The following CSMD3 variants were observed in gnomAD, a reference collection of about 807,000 sequenced individuals.
The protein encoded by CSMD3 is CUB and sushi domain-containing protein 3.
In CSMD3, 177 loss-of-function variants were observed where a neutral mutation model predicts 435.2. The ratio of observed to expected loss-of-function variants is 0.41; its 90% CI spans 0.36 to 0.46. The LOEUF is 0.46. CSMD3 is among the 20% of genes least tolerant of loss of function. CSMD3 has a pLI of 0.34. For missense variants in CSMD3, 4,265 were observed against 4,504.6 expected (o/e 0.95, Z 1.52); for synonymous variants, 1,656 against 1,520.5 (o/e 1.09, Z -2.07).
At chr8:112,978,928 T>G (rs1340332160) in intron 6 of CSMD3, among the ~76,000 whole-genome samples, 7 of 151,874 alleles carry the variant, frequency 4.6e-5, no homozygotes, top group African/African-American at 1.7e-4. Context: ...ACTAAAATAA[T>G]ATTAGCAATA....
At chr8:113,379,767 C>A (rs915812488) in intron 1 of CSMD3, among the ~76,000 whole-genome samples, 2 of 152,084 alleles carry the variant, frequency 1.3e-5, no homozygotes, top group Non-Finnish European at 2.9e-5. Flanking sequence ...TATTTTATAG[C>A]TACAAAACAG....
chr8:113,199,467 G>C (rs2092694873), intron 3 of CSMD3, among the ~76,000 whole-genome samples: 1 of 151,702 alleles, frequency 6.6e-6, no homozygotes, highest in African/African-American at 2.4e-5. Context: ...TATACAATAT[G>C]ATCTGGGTGG....
intron 6 of CSMD3, among the ~76,000 whole-genome samples, chr8:112,998,818 G>C (rs2085752000): frequency 6.6e-6 from 1 of 151,838 alleles, no homozygotes; most frequent in Non-Finnish European, 1.5e-5. Context: ...CATGAGATCT[G>C]GTTGTTTAAA....
intron 7 of CSMD3, among the ~76,000 whole-genome samples, chr8:112,969,877 A>C (rs2084578134): frequency 6.6e-6 from 1 of 152,048 alleles, no homozygotes; most frequent in Non-Finnish European, 1.5e-5. Flanking sequence ...ATTATTATTT[A>C]ACATAATAAA....
intron 32 of CSMD3, among the ~76,000 whole-genome samples, chr8:112,440,727 G>A (rs1814910096): frequency 6.6e-6 from 1 of 152,210 alleles, no homozygotes; most frequent in Admixed American, 6.5e-5. Flanking sequence ...TGTGGAAGCT[G>A]CCAAGGTTTG....
At chr8:113,162,615 T>C (rs1259158561) in intron 4 of CSMD3, among the ~76,000 whole-genome samples, 6 of 151,624 alleles carry the variant, frequency 4.0e-5, no homozygotes, top group Non-Finnish European at 8.8e-5. Flanking sequence ...TAACCAAATT[T>C]CTTGAATTCC....
At chr8:112,304,678 C>G (rs1447435006) in intron 52 of CSMD3, 43 bp downstream of exon 52, 2 of 1,457,324 alleles carry the variant, frequency 1.4e-6, no homozygotes, top group South Asian at 1.1e-5. Context: ...ATTCGATAAC[C>G]AAACATAGCT....
At chr8:113,292,820 C>G (rs1351643294) in intron 2 of CSMD3, among the ~76,000 whole-genome samples, 1 of 150,876 alleles carries the variant, frequency 6.6e-6, no homozygotes, top group East Asian at 2.0e-4. Flanking sequence ...ATTACTTTTG[C>G]ACCAACCTAA....
At chr8:112,849,979 T>C (rs1011217532) in intron 11 of CSMD3, among the ~76,000 whole-genome samples, 3 of 152,110 alleles carry the variant, frequency 2.0e-5, no homozygotes, top group Non-Finnish European at 2.9e-5. Flanking sequence ...AATTACTTTC[T>C]CTCTCTGACT....
At chr8:112,729,564 T>A (rs1255668189) in intron 13 of CSMD3, among the ~76,000 whole-genome samples, 4 of 152,136 alleles carry the variant, frequency 2.6e-5, no homozygotes, top group Admixed American at 6.6e-5. Context: ...GGAAAAATGA[T>A]CTTTGCAGAT....
At chr8:112,230,028 C>T (rs1812946478) in intron 69 of CSMD3, among the ~76,000 whole-genome samples, 1 of 152,120 alleles carries the variant, frequency 6.6e-6, no homozygotes, top group African/African-American at 2.4e-5. Flanking sequence ...CACAGGATTA[C>T]AAGTATTCTA....
intron 1 of CSMD3, among the ~76,000 whole-genome samples, chr8:113,377,590 C>T (rs1227195413): frequency 6.6e-6 from 1 of 152,154 alleles, no homozygotes. Flanking sequence ...TTCAATTTTT[C>T]TACGAGTTTG....
intron 9 of CSMD3, among the ~76,000 whole-genome samples, chr8:112,928,278 A>T (rs1035833529): frequency 6.6e-6 from 1 of 152,194 alleles, no homozygotes; most frequent in Non-Finnish European, 1.5e-5. Context: ...TCATATGACA[A>T]CAGCTAGTTA....
At chr8:112,517,338 C>T in intron 27 of CSMD3, 113 bp from the exon 28 acceptor site, 2 of 689,836 alleles carry the variant, frequency 2.9e-6, no homozygotes, top group East Asian at 5.4e-5. Context: ...TTTTTAAATG[C>T]TATACAATAA....
chr8:112,552,867 G>A (rs1827810021), intron 25 of CSMD3, 147 bp from the exon 26 acceptor site: 2 of 678,402 alleles, frequency 2.9e-6, no homozygotes, highest in African/African-American at 1.8e-5. Context: ...AGTATCAATT[G>A]AAGCAAGAAT....
chr8:112,835,799 C>A (rs962049978), intron 11 of CSMD3, among the ~76,000 whole-genome samples: 1 of 151,848 alleles, frequency 6.6e-6, no homozygotes, highest in Non-Finnish European at 1.5e-5. Context: ...TAAATCCTCT[C>A]AGGAATCAGA....
chr8:113,385,724 G>C (rs994265158), intron 1 of CSMD3, among the ~76,000 whole-genome samples: 1 of 151,986 alleles, frequency 6.6e-6, no homozygotes, highest in Non-Finnish European at 1.5e-5. Context: ...AAGGGAATTC[G>C]TAAGAAAAGA....
intron 5 of CSMD3, among the ~76,000 whole-genome samples, chr8:113,027,350 A>T (rs950818246): frequency 6.6e-6 from 1 of 152,156 alleles, no homozygotes; most frequent in Non-Finnish European, 1.5e-5. Flanking sequence ...AAAATAAAAA[A>T]AACTTTCTGT....
At chr8:113,171,678 T>C (rs1057330698) in intron 4 of CSMD3, among the ~76,000 whole-genome samples, 2 of 152,152 alleles carry the variant, frequency 1.3e-5, no homozygotes, top group African/African-American at 4.8e-5. Context: ...GGTAACAAGC[T>C]CAGGCTTTGG....
Sources: gnomAD v4.1 joint callset for allele counts (sites outside exome capture counted in the v4.1 genomes callset) on GRCh38, gnomAD v4.1.1 for gene constraint, MANE v1.5 for transcripts, NCBI Gene and HGNC (gene_info 2026-07-23, HGNC 2026-07-21) for gene names.